Variants in ZNF765 observed in about 807,000 individuals in gnomAD.
ZNF765 encodes the protein zinc finger protein 765.
ZNF765 carries 37 observed loss-of-function variants against 44.7 expected under a neutral mutation model. The observed-to-expected ratio is 0.83, with a 90% CI of 0.64 to 1.09. ZNF765 has a LOEUF of 1.09. Among genes scored for constraint, ZNF765 ranks in the 50% least tolerant of loss-of-function variants. The pLI, the probability that ZNF765 is intolerant of heterozygous loss-of-function variation, is 0.00. For synonymous variants in ZNF765, 201 were observed against 213.7 expected, an observed-to-expected ratio of 0.94 and a Z score of 0.52; for missense variants, 594 against 626.1, an observed-to-expected ratio of 0.95 and a Z score of 0.55.
chr19:53,423,973 A>G (rs1399117766), exon 4 of ZNF765: 1 of 153,896 alleles, frequency 6.5e-6, no homozygotes, highest in Non-Finnish European at 1.4e-5. Flanking sequence ...ACGGTGCACA[A>G]ATATACATAC....
intron 1 of ZNF765, among the ~76,000 whole-genome samples, chr19:53,396,860 C>T (rs2147085313): frequency 6.6e-6 from 1 of 152,332 alleles, no homozygotes; most frequent in East Asian, 1.9e-4. Context: ...TTACTGGATT[C>T]TTCATGAAAG....
In ZNF765 at chr19:53,398,028, C is replaced by G. The variant is rs141876832; in HGVS notation, c.13C>G (p.Gln5Glu). The G allele has an allele frequency of 3.2e-3, 5,100 of 1,613,706 alleles. 146 individuals are homozygous for G. In the African/African-American group the frequency reaches 0.058, roughly 18 times the overall value. ...AAAGGAGTCAGGGATGGCTCTTCCTCAGGTGAGATGATATTCTTGGTGGAT... is the reference window on the plus strand; with the variant it reads ...AAAGGAGTCAGGGATGGCTCTTCCTGAGGTGAGATGATATTCTTGGTGGAT... MALP[Q>E]GLLTFRDVAI... The change falls in exon 2 of 4, where the codon CAG becomes GAG. Residue 5 changes from glutamine (Q) to glutamate (E), a missense_variant and splice_region_variant. Gln to Glu is a conservative substitution (Grantham distance 29, BLOSUM62 2). Transcript: ENST00000396408.
intron 1 of ZNF765, among the ~76,000 whole-genome samples, chr19:53,396,351 G>A (rs2147084692): frequency 6.6e-6 from 1 of 152,322 alleles, no homozygotes; most frequent in East Asian, 1.9e-4. Flanking sequence ...GCGGGAGACA[G>A]AACGATGTTT....
At chr19:53,417,676 C>T (rs1480897074) in intron 3 of ZNF765, among the ~76,000 whole-genome samples, 4 of 152,138 alleles carry the variant, frequency 2.6e-5, no homozygotes, top group African/African-American at 7.2e-5. Context: ...GGATATATCT[C>T]TCTTTAGGTC....
rs371969458 is a variant in ZNF765, at chr19:53,402,071, T to C, written c.22T>C (p.Leu8=). 1,362 of 1,613,854 alleles carry C rather than the reference T, an allele frequency of 8.4e-4. 4 individuals carry two copies. In the African/African-American group the frequency reaches 0.016, roughly 19 times the overall value. ...AAATGTGTTTTCATTTCAGGGTCTA[T>C]TGACATTCAGGGATGTGGCCATAGA... is the stretch of plus-strand genomic sequence containing the variant. MALPQGL[L]TFRDVAIEFS... is the part of the protein sequence containing the mutation. The change falls in exon 3 of 4, where the codon TTG becomes CTG. Residue 8 remains leucine (L), a synonymous_variant. Coordinates refer to ENST00000396408, the MANE Select transcript of ZNF765 (RefSeq NM_001040185.3).
rs1311532873 is a variant in ZNF765, at chr19:53,410,449, C to G, written c.*1322C>G. On this transcript the variant is annotated 3_prime_UTR_variant, in exon 4 of 4. Transcript: ENST00000396408. ...ATGTAAGAGTTTGTGACAAGGCTTT[C>G]AGGCATAATTCGCACCTGGCACAAC... The G allele has an allele frequency of 8.5e-6, 3 of 353,330 alleles. No homozygotes were observed. The highest frequency in any genetic ancestry group is 6.5e-5 in the African/African-American group (3 of 46,254). The allele number at this position is 353,330 out of a possible 1,614,324, so 21.9% of individuals were successfully genotyped here. A position where few individuals can be genotyped will look rare whatever the true frequency, so the allele number is the denominator to read the frequency against.
chr19:53,426,516 A>AT (rs1905836431), exon 4 of ZNF765: 2 of 152,230 alleles, frequency 1.3e-5, no homozygotes, highest in Admixed American at 1.3e-4. Flanking sequence ...TAGACCAGGG[A>AT]TCCCCACCCC....
rs1285490632 is a variant in ZNF765 at position 53,408,755 on chromosome 19, C to A, written c.1200C>A (p.Tyr400Ter). 3.8e-6 allele frequency: 6 copies of A among 1,573,782 alleles called. No individual in the cohort carries two copies. In the Admixed American group the frequency reaches 1.1e-4, roughly 28 times the overall value. ...TTAGTCACAAGTCATCTCTTACATA[C>A]CATCGTAGACTTCATACTGAAGAGA... ...KTFSHKSSLT[Y>*]HRRLHTEEKP... The change falls in exon 4 of 4, where the codon TAC becomes TAA. Residue 400 changes from tyrosine to a stop codon, truncating the protein, a stop_gained. Transcript: ENST00000396408. LOFTEE classifies it high-confidence loss of function.
At chr19:53,419,021 C>G (rs1375354670) in intron 3 of ZNF765, among the ~76,000 whole-genome samples, 1 of 151,250 alleles carries the variant, frequency 6.6e-6, no homozygotes, top group Non-Finnish European at 1.5e-5. Flanking sequence ...AGGAATAATT[C>G]CTGAGGCATG....
exon 4 of ZNF765, chr19:53,423,076 T>G: frequency 2.9e-6 from 2 of 699,686 alleles, no homozygotes; most frequent in Non-Finnish European, 5.2e-6. Flanking sequence ...GTCAGGGGAG[T>G]GTCCATTGGC....
chr19:53,401,987 C>T, intron 2 of ZNF765, 78 bp from the exon 3 acceptor site: 1 of 1,613,676 alleles, frequency 6.2e-7, no homozygotes. Context: ...CATGCCTTCA[C>T]CTCTCTCTTC....
At chr19:53,397,836 A>G in intron 1 of ZNF765, 107 bp from the exon 2 acceptor site, 2 of 1,151,490 alleles carry the variant, frequency 1.7e-6, no homozygotes, top group Non-Finnish European at 2.4e-6. Flanking sequence ...TCGGCAGCAT[A>G]GGGGACCGTA....
chr19:53,418,034 CT>C (rs2085885329), intron 3 of ZNF765, among the ~76,000 whole-genome samples: 1 of 152,124 alleles, frequency 6.6e-6, no homozygotes, highest in Non-Finnish European at 1.5e-5. Flanking sequence ...TCCAAAATCC[CT>C]TTGGAGATGC....
At chr19:53,420,585 A>G (rs1266532538) in intron 3 of ZNF765, among the ~76,000 whole-genome samples, 1 of 152,194 alleles carries the variant, frequency 6.6e-6, no homozygotes, top group Non-Finnish European at 1.5e-5. Flanking sequence ...AGAAAGAAGT[A>G]GACATAAGAG....
At chr19:53,399,326 A>G (rs563566106) in intron 2 of ZNF765, among the ~76,000 whole-genome samples, 230 of 149,198 alleles carry the variant, frequency 1.5e-3, no homozygotes, top group African/African-American at 5.4e-3. Context: ...AACTCCAAGC[A>G]AAGCTGCAGC....
chr19:53,407,891 C>G lies in ZNF765; in HGVS notation c.336C>G (p.Leu112=). The change falls in exon 4 of 4, where the codon CTC becomes CTG. Residue 112 remains leucine (L), a synonymous_variant. Coordinates refer to ENST00000396408, the MANE Select transcript of ZNF765 (RefSeq NM_001040185.3). ...ATGAAAGAAATGGCCATGAAGCACT[C>G]ATGACAAAAATCAAAAAGTTGACAG... ...QEDERNGHEA[L]MTKIKKLTGS... is the part of the protein sequence containing the mutation. 6.2e-7 allele frequency: 1 copy of G among 1,613,668 alleles called. No individual in the cohort carries two copies. The highest frequency in any genetic ancestry group is 8.5e-7 in the Non-Finnish European group (1 of 1,179,810).
At chr19:53,398,058 C>T (rs1158126224) in intron 2 of ZNF765, 28 bp downstream of exon 2, 1 of 1,524,428 alleles carries the variant, frequency 6.6e-7, no homozygotes, top group Non-Finnish European at 8.7e-7. Flanking sequence ...GTGGATTGTT[C>T]TGTCTCCTTC....
At chr19:53,395,621 C>T (rs1251438822) in intron 1 of ZNF765, among the ~76,000 whole-genome samples, 2 of 152,258 alleles carry the variant, frequency 1.3e-5, no homozygotes, top group East Asian at 1.9e-4. Context: ...GCAGACCCCA[C>T]CCTTGTCTTA....
intron 2 of ZNF765, 89 bp downstream of exon 2, chr19:53,398,119 A>G (rs1391135813): frequency 5.0e-6 from 8 of 1,608,134 alleles, no homozygotes; most frequent in South Asian, 3.3e-5. Context: ...AGTCTGAAGC[A>G]TCTTGCCTGA....
Sources: gnomAD v4.1 joint callset for allele counts (sites outside exome capture counted in the v4.1 genomes callset) on GRCh38, gnomAD v4.1.1 for gene constraint, MANE v1.5 for transcripts, NCBI Gene and HGNC (gene_info 2026-07-23, HGNC 2026-07-21) for gene names.